Variants in SLC35E3 observed in about 807,000 individuals in gnomAD.
SLC35E3 encodes the protein solute carrier family 35 member E3.
In SLC35E3, 28 loss-of-function variants were observed where a neutral mutation model predicts 30.8. The ratio of observed to expected loss-of-function variants is 0.91; its 90% CI spans 0.67 to 1.25. The LOEUF (loss-of-function observed/expected upper bound fraction) is 1.25, where lower values mean the gene tolerates loss of function less well. Ranked by LOEUF, SLC35E3 falls within the 50% of genes most tolerant of loss-of-function variation. SLC35E3 has a pLI of 0.00. For missense variants in SLC35E3, 365 were observed against 375.4 expected (o/e 0.97, Z 0.23); for synonymous variants, 146 against 149.2 (o/e 0.98, Z 0.16).
At chr12:68,749,565 A>G (rs1878715695) in intron 2 of SLC35E3, among the ~76,000 whole-genome samples, 1 of 152,244 alleles carries the variant, frequency 6.6e-6, no homozygotes, top group African/African-American at 2.4e-5. Flanking sequence ...ACAAAGAGAC[A>G]GCTGGTCACA....
rs1395348330 is a variant in SLC35E3, at chr12:68,767,623, C to G, written c.*2733C>G. The G allele has an allele frequency of 6.6e-6, 1 of 151,458 alleles. No individual in the cohort carries two copies. Among genetic ancestry groups the G allele is most frequent in the Non-Finnish European group, 1.5e-5 (1 of 67,956 alleles). The allele number at this position is 151,458 out of a possible 1,614,324, so 9.4% of individuals were successfully genotyped here. ...AACACAATAAAAATATATATACACACATATAATATACCTTTGGGGTTTTTA... is the reference window on the plus strand; with the variant it reads ...AACACAATAAAAATATATATACACAGATATAATATACCTTTGGGGTTTTTA... On this transcript the variant is annotated 3_prime_UTR_variant, in exon 5 of 5. Coordinates refer to ENST00000398004, the MANE Select transcript of SLC35E3 (RefSeq NM_018656.5).
chr12:68,753,528 A>T (rs1878883952), intron 3 of SLC35E3, among the ~76,000 whole-genome samples: 1 of 152,046 alleles, frequency 6.6e-6, no homozygotes, highest in African/African-American at 2.4e-5. Context: ...CACTAAGGTA[A>T]TTACCTTTAC....
rs544428046 is a variant in SLC35E3 at position 68,777,926 on chromosome 12, T to G, written c.*13036T>G. 1 of 152,140 alleles carries G rather than the reference T, an allele frequency of 6.6e-6. No individual in the cohort carries two copies. The highest frequency in any genetic ancestry group is 1.5e-5 in the Non-Finnish European group (1 of 68,066). The allele number at this position is 152,140 out of a possible 1,614,324, so 9.4% of individuals were successfully genotyped here. A position where few individuals can be genotyped will look rare whatever the true frequency, so the allele number is the denominator to read the frequency against. The stretch of plus-strand genomic sequence containing the variant: ...TGAGATCAGGAGTTTAAGACCAGCC[T>G]GGCCAACATGGTGAATCCCCGTCTC... On this transcript the variant is annotated 3_prime_UTR_variant, in exon 5 of 5. Transcript: ENST00000398004.
intron 4 of SLC35E3, among the ~76,000 whole-genome samples, chr12:68,763,670 G>C (rs190252184): frequency 1.4e-4 from 22 of 152,182 alleles, no homozygotes; most frequent in Admixed American, 1.4e-3. Context: ...ATTAGGATTA[G>C]AGGCGTGAGC....
intron 4 of SLC35E3, chr12:68,760,191 A>G (rs907961369): frequency 6.6e-6 from 1 of 152,606 alleles, no homozygotes; most frequent in African/African-American, 2.4e-5. Flanking sequence ...AAAAGAAAAA[A>G]TAGAAATGAA....
chr12:68,746,732 A>G lies in SLC35E3; in HGVS notation c.355A>G (p.Thr119Ala). The change falls in exon 1 of 5, where the codon ACC becomes GCC. Residue 119 changes from threonine to alanine, a missense_variant. Thr to Ala is a moderately conservative substitution (Grantham distance 58, BLOSUM62 0). Coordinates refer to ENST00000398004, the MANE Select transcript of SLC35E3 (RefSeq NM_018656.5). ...MTTPVIIAIQ[T>A]FCYQKTFSTR... Reference sequence around the variant, plus strand: ...CACGCCGGTGATCATAGCCATCCAGACCTTCTGCTACCAGAAAACCTTCTC... The same window carrying G: ...CACGCCGGTGATCATAGCCATCCAGGCCTTCTGCTACCAGAAAACCTTCTC... 2 of 1,605,320 alleles carry G rather than the reference A, an allele frequency of 1.2e-6. No homozygotes were observed. Among genetic ancestry groups the G allele is most frequent in the Non-Finnish European group, 1.7e-6 (2 of 1,174,762 alleles).
intron 2 of SLC35E3, among the ~76,000 whole-genome samples, chr12:68,751,064 AATGGT>A (rs1357797291): frequency 6.6e-6 from 1 of 152,086 alleles, no homozygotes; most frequent in East Asian, 1.9e-4. Context: ...GTTTCTACTG[AATGGT>A]ATGGTATTTT....
At position 68,769,224 on chromosome 12, in the gene SLC35E3, AG is replaced by A. The variant is rs1366356171; in HGVS notation, c.*4335del. The A allele has an allele frequency of 6.9e-6, 1 of 144,688 alleles. No homozygotes were observed. Among genetic ancestry groups the A allele is most frequent in the Non-Finnish European group, 1.5e-5 (1 of 66,530 alleles). The allele number at this position is 144,688 out of a possible 1,614,324, so 9.0% of individuals were successfully genotyped here. On this transcript the variant is annotated 3_prime_UTR_variant, in exon 5 of 5. Coordinates refer to ENST00000398004, the MANE Select transcript of SLC35E3 (RefSeq NM_018656.5). ...GCCACTGCACTCCAGCCTGGGCAAC[AG>A]AGCAAGACTCCATCTCAATAATAAT... is the stretch of plus-strand genomic sequence containing the variant.
rs936519243 is a variant in SLC35E3, at chr12:68,773,727, G to T, written c.*8837G>T. ...TTTAAAAGCAAGATTAACCTTTTTGGACTGGAGTTCTTAGAGAATTATGGT... is the reference window on the plus strand; with the variant it reads ...TTTAAAAGCAAGATTAACCTTTTTGTACTGGAGTTCTTAGAGAATTATGGT... On this transcript the variant is annotated 3_prime_UTR_variant, in exon 5 of 5. Coordinates refer to ENST00000398004, the MANE Select transcript of SLC35E3 (RefSeq NM_018656.5). The T allele has an allele frequency of 6.6e-6, 1 of 151,976 alleles. No homozygotes were observed. The highest frequency in any genetic ancestry group is 6.6e-5 in the Admixed American group (1 of 15,226). The allele number at this position is 151,976 out of a possible 1,614,324, so 9.4% of individuals were successfully genotyped here. A position where few individuals can be genotyped will look rare whatever the true frequency, so the allele number is the denominator to read the frequency against.
At chr12:68,750,778 A>G (rs1257525811) in intron 2 of SLC35E3, among the ~76,000 whole-genome samples, 1 of 152,184 alleles carries the variant, frequency 6.6e-6, no homozygotes, top group African/African-American at 2.4e-5. Context: ...TTTGTCCTTC[A>G]TATTCACAGA....
Position 68,778,095 on chromosome 12 carries a change from T to C in SLC35E3, c.*13205T>C, listed in dbSNP as rs1480849801. ...CGTGATGGTGAACTGCACTCCAGCT[T>C]GAGTGACAGAGTGAGATCCTGTCTC... On this transcript the variant is annotated 3_prime_UTR_variant, in exon 5 of 5. Transcript: ENST00000398004. 6.6e-6 allele frequency: 1 copy of C among 152,056 alleles called. No individual in the cohort carries two copies. Among genetic ancestry groups the C allele is most frequent in the Non-Finnish European group, 1.5e-5 (1 of 68,020 alleles). 9.4% of individuals were successfully genotyped at this position (152,056 alleles called of 1,614,324 possible).
intron 3 of SLC35E3, among the ~76,000 whole-genome samples, chr12:68,758,143 C>T (rs905635696): frequency 4.6e-5 from 7 of 150,852 alleles, no homozygotes; most frequent in African/African-American, 1.2e-4. Flanking sequence ...AGATCTCGGC[C>T]GGGTGCAGTG....
In SLC35E3 at chr12:68,765,669, TATATACACAC is replaced by T. The variant is rs776437120; in HGVS notation, c.*781_*790del. 2 of 151,390 alleles carry T rather than the reference TATATACACAC, an allele frequency of 1.3e-5. No homozygotes were observed. The highest frequency in any genetic ancestry group is 3.9e-4 in the East Asian group (2 of 5,174). 9.4% of individuals were successfully genotyped at this position (151,390 alleles called of 1,614,324 possible). A position where few individuals can be genotyped will look rare whatever the true frequency, so the allele number is the denominator to read the frequency against. ...GTGTGTGTGTATACATATATACACA[TATATACACAC>T]ACACATACATATACATGTGTATATA... On this transcript the variant is annotated 3_prime_UTR_variant, in exon 5 of 5. Transcript: ENST00000398004.
intron 3 of SLC35E3, 78 bp from the exon 4 acceptor site, chr12:68,759,079 T>C (rs1456471249): frequency 1.9e-6 from 2 of 1,079,588 alleles, no homozygotes; most frequent in Non-Finnish European, 1.4e-6. Flanking sequence ...TTTTTTAAAA[T>C]GCCGAATGAA....
chr12:68,777,207 C>G lies in SLC35E3; in HGVS notation c.*12317C>G, dbSNP rs1284781370. ...GGAGACAGCTGCATCAGAGGCCTCC[C>G]AGTGCCATAGGACCATGGACATTGG... On this transcript the variant is annotated 3_prime_UTR_variant, in exon 5 of 5. Transcript: ENST00000398004. The G allele has an allele frequency of 6.6e-5, 10 of 152,144 alleles. No individual in the cohort carries two copies. Among genetic ancestry groups the G allele is most frequent in the African/African-American group, 2.4e-4 (10 of 41,434 alleles). The allele number at this position is 152,144 out of a possible 1,614,324, so 9.4% of individuals were successfully genotyped here. A position where few individuals can be genotyped will look rare whatever the true frequency, so the allele number is the denominator to read the frequency against.
At chr12:68,748,326 A>T (rs1365525557) in intron 2 of SLC35E3, among the ~76,000 whole-genome samples, 1 of 152,170 alleles carries the variant, frequency 6.6e-6, no homozygotes, top group African/African-American at 2.4e-5. Context: ...AATACCTAGT[A>T]AGACTTTTTA....
chr12:68,746,373 G>A lies in SLC35E3; in HGVS notation c.-5G>A. On this transcript the variant is annotated 5_prime_UTR_variant, in exon 1 of 5. Coordinates refer to ENST00000398004, the MANE Select transcript of SLC35E3 (RefSeq NM_018656.5). ...AGGCTAGACGGCCCCAGCTTCGCGG[G>A]GATCATGGCATTGCTGGTGGACCGA... 17 of 1,562,000 alleles carry A rather than the reference G, an allele frequency of 1.1e-5. No individual in the cohort carries two copies. Among genetic ancestry groups the A allele is most frequent in the Non-Finnish European group, 1.5e-5 (17 of 1,152,184 alleles).
chr12:68,755,797 G>A (rs138515007), intron 3 of SLC35E3, among the ~76,000 whole-genome samples: 1 of 152,276 alleles, frequency 6.6e-6, no homozygotes, highest in Middle Eastern at 3.4e-3. Context: ...AGGGCACCAA[G>A]CCATTCATGA....
chr12:68,771,278 A>G lies in SLC35E3; in HGVS notation c.*6388A>G, dbSNP rs1308837438. 1 of 151,946 alleles carries G rather than the reference A, an allele frequency of 6.6e-6. No individual in the cohort carries two copies. The highest frequency in any genetic ancestry group is 2.1e-4 in the South Asian group (1 of 4,830). 9.4% of individuals were successfully genotyped at this position (151,946 alleles called of 1,614,324 possible). On this transcript the variant is annotated 3_prime_UTR_variant, in exon 5 of 5. Transcript: ENST00000398004. ...GACAGAGAGAGACTCTATCTCAGAA[A>G]AAAAAAAAAAAGATGTTAATCAAAT...
Sources: gnomAD v4.1 joint callset for allele counts (sites outside exome capture counted in the v4.1 genomes callset) on GRCh38, gnomAD v4.1.1 for gene constraint, MANE v1.5 for transcripts, NCBI Gene and HGNC (gene_info 2026-07-23, HGNC 2026-07-21) for gene names.